FTO: variants seen among roughly 807,000 people sequenced by gnomAD.
FTO encodes FTO alpha-ketoglutarate dependent dioxygenase, also known as alpha-ketoglutarate-dependent dioxygenase FTO.
A neutral mutation model predicts 63.9 loss-of-function variants in FTO; 47 were observed. That is an observed-to-expected ratio of 0.74 (90% CI 0.58 to 0.94). FTO has a LOEUF of 0.94. Among genes scored for constraint, FTO ranks in the 40% least tolerant of loss-of-function variants. The pLI, the probability that FTO is intolerant of heterozygous loss-of-function variation, is 0.00. For synonymous variants in FTO, 207 were observed against 224.4 expected, an observed-to-expected ratio of 0.92 and a Z score of 0.69; for missense variants, 562 against 618.1, an observed-to-expected ratio of 0.91 and a Z score of 0.96.
At chr16:53,775,730 T>C (rs1252707561) in intron 1 of FTO, among the ~76,000 whole-genome samples, 1 of 152,152 alleles carries the variant, frequency 6.6e-6, no homozygotes, top group Non-Finnish European at 1.5e-5. Flanking sequence ...TCAGAGTGTC[T>C]TGTCCTTTAC....
At chr16:53,789,364 G>A (rs928423844) in intron 1 of FTO, among the ~76,000 whole-genome samples, 1 of 152,138 alleles carries the variant, frequency 6.6e-6, no homozygotes, top group Non-Finnish European at 1.5e-5. Context: ...GTCTCTTTGT[G>A]GTTTAGACTT....
intron 3 of FTO, among the ~76,000 whole-genome samples, chr16:53,841,251 T>G (rs2079468786): frequency 6.6e-6 from 1 of 151,476 alleles, no homozygotes; most frequent in African/African-American, 2.4e-5. Context: ...CAATCAGTCA[T>G]GTCCCCTGAT....
intron 4 of FTO, among the ~76,000 whole-genome samples, chr16:53,848,803 G>A (rs2079706280): frequency 6.6e-6 from 1 of 152,076 alleles, no homozygotes; most frequent in Non-Finnish European, 1.5e-5. Flanking sequence ...TGTGGAGGTG[G>A]GATGTTTCAG....
At chr16:53,833,937 G>C (rs915866423) in intron 3 of FTO, among the ~76,000 whole-genome samples, 5 of 151,996 alleles carry the variant, frequency 3.3e-5, no homozygotes, top group African/African-American at 4.8e-5. Context: ...TTTAGTTGTT[G>C]AGTTTTGTGA....
At chr16:53,935,193 C>G (rs2082361243) in intron 8 of FTO, among the ~76,000 whole-genome samples, 2 of 152,170 alleles carry the variant, frequency 1.3e-5, no homozygotes, top group African/African-American at 4.8e-5. Flanking sequence ...CATATTTTGT[C>G]TCAGAGTCTT....
chr16:53,898,308 G>A (rs2081320953), intron 7 of FTO, among the ~76,000 whole-genome samples: 1 of 152,120 alleles, frequency 6.6e-6, no homozygotes, highest in Non-Finnish European at 1.5e-5. Context: ...TGTCTGGAAT[G>A]TCTGTCCTTC....
intron 7 of FTO, among the ~76,000 whole-genome samples, chr16:53,896,084 C>A (rs1420082921): frequency 6.6e-6 from 1 of 152,106 alleles, no homozygotes; most frequent in East Asian, 1.9e-4. Flanking sequence ...ATAGTTTTAA[C>A]CACCCTGAAA....
At chr16:53,903,810 A>T (rs1183052395) in intron 7 of FTO, among the ~76,000 whole-genome samples, 2 of 152,158 alleles carry the variant, frequency 1.3e-5, no homozygotes, top group South Asian at 4.1e-4. Flanking sequence ...ACCTAGGAGT[A>T]AAATTGTTGG....
rs559752280 is a variant in FTO, at chr16:54,121,348, A to G, written c.*9433A>G. 1 of 152,340 alleles carries G rather than the reference A, an allele frequency of 6.6e-6. No individual in the cohort carries two copies. The highest frequency in any genetic ancestry group is 1.9e-4 in the East Asian group (1 of 5,186). The allele number at this position is 152,340 out of a possible 1,614,324, so 9.4% of individuals were successfully genotyped here. A position where few individuals can be genotyped will look rare whatever the true frequency, so the allele number is the denominator to read the frequency against. On this transcript the variant is annotated 3_prime_UTR_variant, in exon 9 of 9. Transcript: ENST00000471389. ...ATATTATCATGGCATCCAAACCAAA[A>G]TACTCATGCCAACATCTCTCTGTAC...
At chr16:54,091,124 G>T (rs1373088772) in intron 8 of FTO, among the ~76,000 whole-genome samples, 1 of 152,236 alleles carries the variant, frequency 6.6e-6, no homozygotes, top group African/African-American at 2.4e-5. Context: ...TGGAGGTGTG[G>T]TCCGTTGGAG....
intron 8 of FTO, among the ~76,000 whole-genome samples, chr16:54,049,767 C>A (rs562590434): frequency 7.9e-5 from 12 of 152,306 alleles, no homozygotes; most frequent in African/African-American, 2.9e-4. Context: ...AGAAGGTGGC[C>A]ACTCTGAGAT....
chr16:54,042,367 TCA>T (rs1308720085), intron 8 of FTO, among the ~76,000 whole-genome samples: 1 of 110,834 alleles, frequency 9.0e-6, no homozygotes, highest in Non-Finnish European at 1.8e-5. Context: ...GAAAATCGGG[TCA>T]CTCCCACCCG....
intron 6 of FTO, among the ~76,000 whole-genome samples, chr16:53,888,433 TAGTAGC>T (rs2081062960): frequency 2.0e-5 from 3 of 151,332 alleles, no homozygotes; most frequent in Admixed American, 6.6e-5. Context: ...GCCAATTTAT[TAGTAGC>T]TTGGCCAATT....
At chr16:53,910,344 A>G (rs2081656815) in intron 7 of FTO, among the ~76,000 whole-genome samples, 1 of 152,124 alleles carries the variant, frequency 6.6e-6, no homozygotes, top group Non-Finnish European at 1.5e-5. Flanking sequence ...GCTGGATTCA[A>G]AGATTTTTGA....
chr16:53,795,335 A>G (rs556969915), intron 1 of FTO, among the ~76,000 whole-genome samples: 2 of 152,318 alleles, frequency 1.3e-5, no homozygotes, highest in East Asian at 3.9e-4. Flanking sequence ...GAGTTCCAAC[A>G]TATGTCTAAT....
chr16:53,766,720 TATAGGTG>T (rs1173159522), intron 1 of FTO, among the ~76,000 whole-genome samples: 1 of 152,172 alleles, frequency 6.6e-6, no homozygotes, highest in Non-Finnish European at 1.5e-5. Flanking sequence ...TCATCCACTA[TATAGGTG>T]ATGGGTTAAA....
intron 8 of FTO, among the ~76,000 whole-genome samples, chr16:54,025,905 C>G (rs1157237146): frequency 6.6e-6 from 1 of 152,094 alleles, no homozygotes; most frequent in African/African-American, 2.4e-5. Context: ...CCCACCTACT[C>G]TGGAGGCTGA....
At chr16:53,721,187 G>A (rs757029216) in intron 1 of FTO, among the ~76,000 whole-genome samples, 3 of 152,062 alleles carry the variant, frequency 2.0e-5, no homozygotes, top group African/African-American at 7.2e-5. Context: ...CAGTTTACTC[G>A]GGGTGACCTA....
intron 8 of FTO, among the ~76,000 whole-genome samples, chr16:54,033,215 A>AT (rs796889856): frequency 5.3e-5 from 8 of 152,234 alleles, no homozygotes; most frequent in African/African-American, 1.7e-4. Flanking sequence ...CTGGACTGAC[A>AT]TTTTTTCACC....
Sources: allele counts gnomAD v4.1 joint callset (sites outside exome capture counted in the v4.1 genomes callset), GRCh38; gene constraint gnomAD v4.1.1; transcripts MANE v1.5; gene names NCBI Gene and HGNC (gene_info 2026-07-23, HGNC 2026-07-21).